DDC: variants seen among roughly 807,000 people sequenced by gnomAD.
DDC encodes aromatic-L-amino-acid decarboxylase.
A neutral mutation model predicts 60.0 loss-of-function variants in DDC; 43 were observed. The ratio of observed to expected loss-of-function variants is 0.72; its 90% confidence interval spans 0.56 to 0.92. DDC has a LOEUF of 0.92. Ranked by LOEUF, DDC falls within the 40% of genes least tolerant of loss-of-function variation. DDC has a pLI of 0.00. For synonymous variants in DDC, 232 were observed against 234.6 expected (o/e 0.99, Z 0.10); for missense variants, 573 against 620.2 (o/e 0.92, Z 0.81).
At chr7:50,492,082 A>C (rs1204751763) in intron 9 of DDC, among the ~76,000 whole-genome samples, 1 of 107,488 alleles carries the variant, frequency 9.3e-6, no homozygotes, top group African/African-American at 3.3e-5. Flanking sequence ...ATGTGAGGAC[A>C]GGGAGAAGAC....
Position 50,528,215 on chromosome 7 carries a change from A to G in DDC, c.636T>C (p.Asp212=). Residue 212 remains aspartate, a synonymous_variant, in exon 6 of 15, where the codon GAT becomes GAC. Coordinates refer to ENST00000444124, the MANE Select transcript of DDC (RefSeq NM_001082971.2). The part of the protein sequence containing the change: ...GGVKLKAIPS[D]GNFAMRASAL... ...CAGACGCACGCATGGCGAAGTTGCC[A>G]TCTGAGGGGATGGCTTTTAATTTCA... 1 of 1,614,172 alleles carries G rather than the reference A, an allele frequency of 6.2e-7. No homozygotes were observed. Among genetic ancestry groups the G allele is most frequent in the Non-Finnish European group, 8.5e-7 (1 of 1,180,034 alleles).
intron 13 of DDC, among the ~76,000 whole-genome samples, chr7:50,466,285 C>T (rs903399463): frequency 5.3e-5 from 8 of 152,022 alleles, no homozygotes; most frequent in Admixed American, 2.6e-4. Context: ...GTCAGAAGTT[C>T]GAGACCAGCC....
At chr7:50,523,076 G>C (rs1054514519) in intron 6 of DDC, among the ~76,000 whole-genome samples, 3 of 152,030 alleles carry the variant, frequency 2.0e-5, no homozygotes, top group African/African-American at 7.2e-5. Context: ...ATTCGGGTTG[G>C]GACACAGAGC....
intron 8 of DDC, among the ~76,000 whole-genome samples, chr7:50,497,897 A>G (rs1313423698): frequency 6.6e-6 from 1 of 152,212 alleles, no homozygotes; most frequent in Non-Finnish European, 1.5e-5. Flanking sequence ...AGATGGGGAC[A>G]TTTGTATTCT....
chr7:50,467,370 T>A, intron 12 of DDC, 55 bp from the exon 13 acceptor site: 1 of 1,443,698 alleles, frequency 6.9e-7, no homozygotes, highest in Non-Finnish European at 9.7e-7. Flanking sequence ...ATTCAGAACT[T>A]AACTACCTAG....
intron 6 of DDC, among the ~76,000 whole-genome samples, chr7:50,508,995 G>C (rs1429157223): frequency 1.3e-5 from 2 of 152,158 alleles, no homozygotes; most frequent in African/African-American, 4.8e-5. Flanking sequence ...CACAGCTCCT[G>C]TGTTCTCTCT....
chr7:50,491,543 C>A (rs976941409), intron 9 of DDC, among the ~76,000 whole-genome samples: 15 of 151,768 alleles, frequency 9.9e-5, no homozygotes, highest in African/African-American at 3.2e-4. Context: ...GAAATGTGAA[C>A]GGAAAATAAA....
chr7:50,520,388 C>T (rs943339320), intron 6 of DDC, among the ~76,000 whole-genome samples: 13 of 152,026 alleles, frequency 8.6e-5, no homozygotes, highest in African/African-American at 2.2e-4. Flanking sequence ...CTGGAAGACC[C>T]GAAAACTCTT....
rs769743764 is a variant in DDC, at chr7:50,499,155, C to T, written c.869G>A (p.Gly290Glu). ...AGCGAAGGGTGCACCTACCTCCACT[C>T]CATTCAGAAGGTGCCGGAACTCAGG... The part of the protein sequence containing the change: ...ICPEFRHLLN[G>E]VEFADSFNFN... Residue 290 changes from glycine (G) to glutamate (E), a missense_variant, in exon 8 of 15, where the codon GGA becomes GAA. Coordinates refer to ENST00000444124, the MANE Select transcript of DDC (RefSeq NM_001082971.2). The T allele has an allele frequency of 1.2e-6, 2 of 1,613,026 alleles. No homozygotes were observed. The highest frequency in any genetic ancestry group is 1.7e-6 in the Non-Finnish European group (2 of 1,179,018).
At chr7:50,522,818 C>G (rs2043934444) in intron 6 of DDC, among the ~76,000 whole-genome samples, 1 of 152,000 alleles carries the variant, frequency 6.6e-6, no homozygotes, top group South Asian at 2.1e-4. Context: ...ACTGGCTATA[C>G]AGGAAGCATG....
At chr7:50,511,824 G>A (rs1049686228) in intron 6 of DDC, among the ~76,000 whole-genome samples, 6 of 152,092 alleles carry the variant, frequency 3.9e-5, no homozygotes, top group African/African-American at 1.4e-4. Context: ...ACAAGAGAAG[G>A]CAAAGAATAG....
intron 10 of DDC, among the ~76,000 whole-genome samples, chr7:50,477,901 C>T (rs2042682098): frequency 6.6e-6 from 1 of 152,136 alleles, no homozygotes; most frequent in South Asian, 2.1e-4. Context: ...GCAGAAAGCA[C>T]TCAGTAAGAA....
chr7:50,483,746 CA>C (rs1279552901), intron 9 of DDC, among the ~76,000 whole-genome samples: 5 of 151,486 alleles, frequency 3.3e-5, no homozygotes, highest in Non-Finnish European at 2.9e-5. Context: ...ACTAAAAATA[CA>C]AAAAAAATTA....
At chr7:50,551,172 A>G (rs1329117333) in intron 1 of DDC, among the ~76,000 whole-genome samples, 1 of 152,064 alleles carries the variant, frequency 6.6e-6, no homozygotes, top group Non-Finnish European at 1.5e-5. Context: ...TTTACCATAC[A>G]ATCACTGGGC....
rs752272988 is a variant in DDC at position 50,537,978 on chromosome 7, G to A, written c.317C>T (p.Ala106Val). 18 of 1,614,134 alleles carry A rather than the reference G, an allele frequency of 1.1e-5. No homozygotes were observed. The highest frequency in any genetic ancestry group is 1.3e-5 in the African/African-American group (1 of 75,026). Residue 106 changes from alanine to valine, a missense_variant and splice_region_variant, in exon 4 of 15, where the codon GCG becomes GTG. Physicochemically the swap from Ala to Val is moderately conservative, Grantham distance 64. Transcript: ENST00000444124. ...GAIGCIGFSW[A>V]ASPACTELET... ...CAGCTCTGTGCATGCTGGGCTTGCC[G>A]CCTGTCGTGGGGGAAGGGAAGGGAT...
intron 10 of DDC, 106 bp downstream of exon 10, chr7:50,479,681 C>A (rs1304787312): frequency 1.0e-6 from 1 of 980,894 alleles, no homozygotes; most frequent in South Asian, 1.3e-5. Flanking sequence ...TCTGTGAAAG[C>A]CTCCTTGGAT....
At chr7:50,505,968 G>A (rs2043382356) in intron 6 of DDC, among the ~76,000 whole-genome samples, 2 of 152,272 alleles carry the variant, frequency 1.3e-5, no homozygotes, top group African/African-American at 2.4e-5. Context: ...GTCCCCAAGG[G>A]GAGGGGGACA....
intron 8 of DDC, among the ~76,000 whole-genome samples, chr7:50,497,065 G>A (rs1046671998): frequency 6.6e-6 from 1 of 152,176 alleles, no homozygotes; most frequent in Non-Finnish European, 1.5e-5. Context: ...CTCCTATGGG[G>A]CTGATCTGTT....
chr7:50,506,163 G>A (rs1051356749), intron 6 of DDC, among the ~76,000 whole-genome samples: 1 of 152,204 alleles, frequency 6.6e-6, no homozygotes, highest in African/African-American at 2.4e-5. Context: ...CACATTTGGA[G>A]CAGTGGCTGT....
Sources: gnomAD v4.1 joint callset for allele counts (sites outside exome capture counted in the v4.1 genomes callset) on GRCh38, gnomAD v4.1.1 for gene constraint, MANE v1.5 for transcripts, NCBI Gene and HGNC (gene_info 2026-07-23, HGNC 2026-07-21) for gene names.